The following FAM210A variants were observed in gnomAD, a reference collection of about 807,000 sequenced individuals.
FAM210A encodes family with sequence similarity 210 member A.
FAM210A carries 13 observed loss-of-function variants against 25.3 expected under a neutral mutation model. The observed-to-expected ratio is 0.51, with a 90% confidence interval of 0.33 to 0.82. The LOEUF is 0.82. Ranked by LOEUF, FAM210A falls within the 40% of genes least tolerant of loss-of-function variation. The probability of loss-of-function intolerance (pLI) is 0.02; values close to 1 mark genes in which losing one functional copy is unlikely to be tolerated. For synonymous variants in FAM210A, 125 were observed against 118.7 expected (o/e 1.05, Z -0.35); for missense variants, 319 against 323.2 (o/e 0.99, Z 0.10).
At chr18:13,725,938 C>T (rs1167139553) in intron 1 of FAM210A, among the ~76,000 whole-genome samples, 1 of 152,230 alleles carries the variant, frequency 6.6e-6, no homozygotes, top group Non-Finnish European at 1.5e-5. Context: ...AAGGACCAGT[C>T]TGCCAGTCCC....
In FAM210A at chr18:13,666,382, G is replaced by C. The variant is rs997103651; in HGVS notation, c.*98C>G. On this transcript the variant is annotated 3_prime_UTR_variant, in exon 4 of 4. Transcript: ENST00000651643. ...AACCCTCAGAGAACTAGTATATTTC[G>C]GCAACTAACCAAAAAAATAATCAGA... The C allele has an allele frequency of 1.4e-4, 124 of 894,564 alleles. 1 individual carries two copies. In the South Asian group the frequency reaches 1.8e-3, roughly 13 times the overall value. The allele number at this position is 894,564 out of a possible 1,614,324, so 55.4% of individuals were successfully genotyped here. A position where few individuals can be genotyped will look rare whatever the true frequency, so the allele number is the denominator to read the frequency against.
Position 13,699,718 on chromosome 18 carries a change from A to C in FAM210A, c.-28-17613T>G, listed in dbSNP as rs2043723543. 2.6e-5 allele frequency among the ~76,000 whole-genome samples: 4 copies of C among 152,172 alleles called. No homozygotes were observed. The South Asian group carries it at 8.3e-4, about 32-fold the overall frequency. On this transcript the variant is annotated intron_variant, in intron 1 of 3. Transcript: ENST00000651643. The stretch of plus-strand genomic sequence containing the variant: ...ACATTTTCTTAGCCTTCTCCTTATC[A>C]GTAAAATTAAGTTATCCTTTTATCG...
At chr18:13,675,633 C>A (rs1475647692) in intron 2 of FAM210A, among the ~76,000 whole-genome samples, 1 of 141,394 alleles carries the variant, frequency 7.1e-6, no homozygotes, top group Non-Finnish European at 1.5e-5. Flanking sequence ...TTTCCAGTTT[C>A]CTGATTATTA....
chr18:13,676,101 T>A (rs898602072), intron 2 of FAM210A, among the ~76,000 whole-genome samples: 1 of 150,820 alleles, frequency 6.6e-6, no homozygotes, highest in Admixed American at 6.6e-5. Flanking sequence ...AGTTTCCTGA[T>A]TATTAACATT....
At position 13,707,027 on chromosome 18, in the gene FAM210A, C is replaced by T. The variant is rs2043783446; in HGVS notation, c.-29+19302G>A. ...AACAGTCTCCCTGGTGTGCTGTATTCTCTCAGAGGTTTTAAATGTTTTCAT... is the reference window on the plus strand; with the variant it reads ...AACAGTCTCCCTGGTGTGCTGTATTTTCTCAGAGGTTTTAAATGTTTTCAT... On this transcript the variant is annotated intron_variant, in intron 1 of 3. Coordinates refer to ENST00000651643, the MANE Select transcript of FAM210A (RefSeq NM_152352.4). Among the ~76,000 whole-genome samples the T allele has an allele frequency of 2.6e-5, 4 of 152,196 alleles. No individual in the cohort carries two copies. The South Asian group carries it at 6.2e-4, about 24-fold the overall frequency.
intron 1 of FAM210A, among the ~76,000 whole-genome samples, chr18:13,683,253 A>G (rs73958015): frequency 0.011 from 1,632 of 152,326 alleles, 34 homozygotes; most frequent in African/African-American, 0.037. Context: ...ATGCCTTCGG[A>G]CTAAGTTATC....
At chr18:13,671,686 T>C (rs372665969) in intron 3 of FAM210A, among the ~76,000 whole-genome samples, 176 bp downstream of exon 3, 3 of 130,378 alleles carry the variant, frequency 2.3e-5, no homozygotes, top group Non-Finnish European at 1.6e-5. Flanking sequence ...CGAAACTCCA[T>C]CTCCAAAAAA....
intron 1 of FAM210A, among the ~76,000 whole-genome samples, chr18:13,702,407 G>A (rs1015467044): frequency 1.3e-5 from 2 of 152,172 alleles, no homozygotes; most frequent in Admixed American, 6.5e-5. Context: ...CCATAAGCCC[G>A]CTGCTCAAGA....
chr18:13,691,599 AT>A (rs1373160550), intron 1 of FAM210A, among the ~76,000 whole-genome samples: 3 of 152,030 alleles, frequency 2.0e-5, no homozygotes, highest in African/African-American at 7.2e-5. Context: ...GGGGGTCAAT[AT>A]TCAACATTCT....
At chr18:13,709,924 G>A (rs1234641190) in intron 1 of FAM210A, among the ~76,000 whole-genome samples, 3 of 152,188 alleles carry the variant, frequency 2.0e-5, no homozygotes, top group Non-Finnish European at 4.4e-5. Context: ...TTATGTCAGT[G>A]AGAGAAATCT....
In FAM210A at chr18:13,701,570, T is replaced by C. The variant is rs150795725; in HGVS notation, c.-28-19465A>G. Among the ~76,000 whole-genome samples, 117 of 151,762 alleles carry C rather than the reference T, an allele frequency of 7.7e-4. No homozygotes were observed. In the East Asian group the frequency reaches 0.017, roughly 22 times the overall value. On this transcript the variant is annotated intron_variant, in intron 1 of 3. Transcript: ENST00000651643. The stretch of plus-strand genomic sequence containing the variant: ...AGTTAATCAAGGGAACCTGAGACTA[T>C]AGCCAACATTTTAGGCAAAATAGGA...
At chr18:13,696,602 G>C (rs2043696035) in intron 1 of FAM210A, among the ~76,000 whole-genome samples, 1 of 152,176 alleles carries the variant, frequency 6.6e-6, no homozygotes, top group Non-Finnish European at 1.5e-5. Context: ...TCATATTCAC[G>C]TGTTTGTGGT....
At chr18:13,685,491 A>G (rs1304879204) in intron 1 of FAM210A, among the ~76,000 whole-genome samples, 2 of 152,126 alleles carry the variant, frequency 1.3e-5, no homozygotes, top group Non-Finnish European at 2.9e-5. Context: ...ATGTATTAAG[A>G]ACCTTGGTAT....
At chr18:13,667,056 T>C (rs780655459) in intron 3 of FAM210A, among the ~76,000 whole-genome samples, 5 of 152,208 alleles carry the variant, frequency 3.3e-5, no homozygotes, top group Non-Finnish European at 2.9e-5. Flanking sequence ...GAGGAACACA[T>C]GTTTCTATTC....
chr18:13,690,777 G>T (rs949930183), intron 1 of FAM210A, among the ~76,000 whole-genome samples: 11 of 152,122 alleles, frequency 7.2e-5, no homozygotes, highest in Non-Finnish European at 8.8e-5. Context: ...AAGACCAAAG[G>T]TAGATAAAAC....
chr18:13,672,597 A>G (rs2043452845), intron 2 of FAM210A, among the ~76,000 whole-genome samples: 1 of 152,180 alleles, frequency 6.6e-6, no homozygotes, highest in Non-Finnish European at 1.5e-5. Flanking sequence ...TTTAGTAGAC[A>G]TGGGGCTTCA....
chr18:13,714,067 G>A (rs1230151774), intron 1 of FAM210A, among the ~76,000 whole-genome samples: 1 of 152,122 alleles, frequency 6.6e-6, no homozygotes, highest in African/African-American at 2.4e-5. Context: ...ACTTAACAGT[G>A]GAGCTTTTCA....
chr18:13,699,264 T>C (rs934784967), intron 1 of FAM210A, among the ~76,000 whole-genome samples: 3 of 152,238 alleles, frequency 2.0e-5, no homozygotes, highest in Non-Finnish European at 2.9e-5. Context: ...ATTTCTACTA[T>C]ATAATCCATC....
At chr18:13,691,725 C>T (rs899361867) in intron 1 of FAM210A, among the ~76,000 whole-genome samples, 2 of 147,940 alleles carry the variant, frequency 1.4e-5, no homozygotes, top group African/African-American at 2.5e-5. Context: ...CACCACCAGG[C>T]CTGCCTTACA....
Sources: gnomAD v4.1 joint callset for allele counts (sites outside exome capture counted in the v4.1 genomes callset) on GRCh38, gnomAD v4.1.1 for gene constraint, MANE v1.5 for transcripts, NCBI Gene and HGNC (gene_info 2026-07-23, HGNC 2026-07-21) for gene names.